The following C12orf75 variants were observed in gnomAD, a reference collection of about 807,000 sequenced individuals.
C12orf75 encodes overexpressed in colon carcinoma 1 protein.
A neutral mutation model predicts 11.4 loss-of-function variants in C12orf75; 4 were observed. The ratio of observed to expected loss-of-function variants is 0.35; its 90% CI spans 0.17 to 0.80. The LOEUF (loss-of-function observed/expected upper bound fraction) is 0.80, where lower values mean the gene tolerates loss of function less well. C12orf75 is among the 30% of genes least tolerant of loss of function. The pLI, the probability that C12orf75 is intolerant of heterozygous loss-of-function variation, is 0.52. For synonymous variants in C12orf75, 30 were observed against 30.0 expected (o/e 1.00, Z 0.00); for missense variants, 89 against 80.4 (o/e 1.11, Z -0.41).
chr12:105,335,114 A>G (rs1387386022), intron 1 of C12orf75, among the ~76,000 whole-genome samples: 1 of 152,242 alleles, frequency 6.6e-6, no homozygotes, highest in Admixed American at 6.5e-5. Context: ...TACTGTCAGA[A>G]TGTTTCCATA....
chr12:105,338,421 G>A (rs552335391), intron 1 of C12orf75, among the ~76,000 whole-genome samples: 12 of 152,254 alleles, frequency 7.9e-5, no homozygotes, highest in East Asian at 7.7e-4. Context: ...TGATCCACCC[G>A]TCTTGGCCTC....
chr12:105,348,677 C>T, intron 2 of C12orf75, 51 bp downstream of exon 2: 3 of 1,328,874 alleles, frequency 2.3e-6, no homozygotes, highest in Non-Finnish European at 3.1e-6. Context: ...GAGGAAGTTG[C>T]TGTTTTTCAT....
At chr12:105,348,715 A>T in intron 2 of C12orf75, 89 bp downstream of exon 2, 1 of 808,742 alleles carries the variant, frequency 1.2e-6, no homozygotes, top group South Asian at 1.9e-5. Flanking sequence ...CTCTGTGGGT[A>T]TGGCTGAAAA....
rs771376717 is a variant in C12orf75 at position 105,345,659 on chromosome 12, C to CTTTTTTTTTTTTTTTT, written c.47-2938_47-2923dup. 8.2e-5 allele frequency among the ~76,000 whole-genome samples: 6 copies of CTTTTTTTTTTTTTTTT among 73,520 alleles called. 1 individual carries two copies. Among genetic ancestry groups the CTTTTTTTTTTTTTTTT allele is most frequent in the African/African-American group, 1.7e-4 (3 of 17,782 alleles). The allele number at this position is 73,520 out of a possible 152,430, so 48.2% of individuals were successfully genotyped here. On this transcript the variant is annotated intron_variant, in intron 1 of 5. Coordinates refer to ENST00000443585, the MANE Select transcript of C12orf75 (RefSeq NM_001145199.2). ...TCCTGATCTTGAATTAGTGTCTGGCCTTTTTTTTTTTTTTTTTTTTGAGAC... is the reference window on the plus strand; with the variant it reads ...TCCTGATCTTGAATTAGTGTCTGGCCTTTTTTTTTTTTTTTTTTTTTTTTTTTTTTTTTTTTGAGAC...
chr12:105,335,518 C>G (rs1400474064), intron 1 of C12orf75, among the ~76,000 whole-genome samples: 1 of 152,186 alleles, frequency 6.6e-6, no homozygotes, highest in East Asian at 1.9e-4. Context: ...CTTGTTTTCT[C>G]TCTGTGGGAA....
At chr12:105,352,456 C>G (rs954685012) in intron 2 of C12orf75, among the ~76,000 whole-genome samples, 8 of 152,088 alleles carry the variant, frequency 5.3e-5, no homozygotes, top group African/African-American at 1.9e-4. Flanking sequence ...TTGGAAAGTA[C>G]AGGAAAGTAT....
intron 2 of C12orf75, among the ~76,000 whole-genome samples, chr12:105,356,117 A>C (rs1313199470): frequency 6.6e-6 from 1 of 152,248 alleles, no homozygotes. Context: ...CAAAACAGCC[A>C]ATGGTAAAAC....
chr12:105,339,840 T>A (rs756234179), intron 1 of C12orf75, among the ~76,000 whole-genome samples: 7 of 151,920 alleles, frequency 4.6e-5, no homozygotes, highest in Non-Finnish European at 1.0e-4. Flanking sequence ...TAGGATGGTC[T>A]CGATCTCCTG....
chr12:105,356,095 T>C (rs1892777650), intron 2 of C12orf75, among the ~76,000 whole-genome samples: 2 of 152,180 alleles, frequency 1.3e-5, no homozygotes, highest in Admixed American at 1.3e-4. Context: ...ATGAATGATA[T>C]TAAACATAGG....
intron 2 of C12orf75, among the ~76,000 whole-genome samples, chr12:105,354,710 C>T (rs781073389): frequency 1.3e-5 from 2 of 152,086 alleles, no homozygotes; most frequent in Non-Finnish European, 2.9e-5. Context: ...CATTGGTAGC[C>T]ATGATGAGAT....
At chr12:105,364,679 A>AGT (rs1353990057) in intron 2 of C12orf75, among the ~76,000 whole-genome samples, 2 of 152,138 alleles carry the variant, frequency 1.3e-5, no homozygotes, top group Non-Finnish European at 1.5e-5. Flanking sequence ...GAAGCCCCTT[A>AGT]GTGTTACAAG....
intron 2 of C12orf75, among the ~76,000 whole-genome samples, chr12:105,355,248 C>T (rs1372021747): frequency 6.7e-6 from 1 of 149,714 alleles, no homozygotes; most frequent in Non-Finnish European, 1.5e-5. Context: ...CAGCTCACTG[C>T]AACCTCTGCC....
chr12:105,337,487 G>A (rs1328925032), intron 1 of C12orf75, among the ~76,000 whole-genome samples: 1 of 152,136 alleles, frequency 6.6e-6, no homozygotes, highest in Non-Finnish European at 1.5e-5. Context: ...GGGGGTTACT[G>A]GGGAATTGGA....
At chr12:105,364,421 G>T (rs1374202131) in intron 2 of C12orf75, among the ~76,000 whole-genome samples, 2 of 152,184 alleles carry the variant, frequency 1.3e-5, no homozygotes, top group East Asian at 3.8e-4. Context: ...TCTCAAGATG[G>T]ATTTTGCACT....
At chr12:105,345,160 T>C (rs989248268) in intron 1 of C12orf75, among the ~76,000 whole-genome samples, 7 of 152,052 alleles carry the variant, frequency 4.6e-5, no homozygotes, top group African/African-American at 1.2e-4. Context: ...AGCAGACTCT[T>C]TGTAGCAGTA....
intron 2 of C12orf75, among the ~76,000 whole-genome samples, chr12:105,355,790 T>C (rs1288080345): frequency 6.6e-6 from 1 of 152,220 alleles, no homozygotes; most frequent in East Asian, 1.9e-4. Flanking sequence ...CCTTGCCTTA[T>C]AGCAAATGAT....
At chr12:105,349,057 A>G (rs1892678495) in intron 2 of C12orf75, among the ~76,000 whole-genome samples, 1 of 152,214 alleles carries the variant, frequency 6.6e-6, no homozygotes, top group Non-Finnish European at 1.5e-5. Flanking sequence ...TGATAACTAG[A>G]TATTCGAATG....
At chr12:105,362,384 C>CAA (rs35725967) in intron 2 of C12orf75, among the ~76,000 whole-genome samples, 3,340 of 18,668 alleles carry the variant, frequency 0.18, 846 homozygotes, top group East Asian at 0.54. Context: ...GACTCCGTCT[C>CAA]AAAAAAAAAA....
chr12:105,355,578 C>G (rs1410021805), intron 2 of C12orf75, among the ~76,000 whole-genome samples: 1 of 152,074 alleles, frequency 6.6e-6, no homozygotes, highest in South Asian at 2.1e-4. Context: ...GGTTTAGACT[C>G]CAGAGAGGAG....
Sources: allele counts gnomAD v4.1 joint callset (sites outside exome capture counted in the v4.1 genomes callset), GRCh38; gene constraint gnomAD v4.1.1; transcripts MANE v1.5; gene names NCBI Gene and HGNC (gene_info 2026-07-23, HGNC 2026-07-21).